Variants in COL19A1 observed in about 807,000 individuals in gnomAD.
COL19A1 encodes collagen alpha-1(XIX) chain.
Under a neutral mutation model 190.2 loss-of-function variants are expected in COL19A1, and 159 were observed. That is an observed-to-expected ratio of 0.84 (90% CI 0.73 to 0.95). The LOEUF is 0.95. Ranked by LOEUF, COL19A1 falls within the 40% of genes least tolerant of loss-of-function variation. The probability of loss-of-function intolerance (pLI) is 0.00; values close to 1 mark genes in which losing one functional copy is unlikely to be tolerated. For synonymous variants in COL19A1, 509 were observed against 458.9 expected, an observed-to-expected ratio of 1.11 and a Z score of -1.39; for missense variants, 1,418 against 1,431.9, an observed-to-expected ratio of 0.99 and a Z score of 0.16.
At chr6:70,154,284 G>T (rs966935312) in intron 31 of COL19A1, among the ~76,000 whole-genome samples, 4 of 152,112 alleles carry the variant, frequency 2.6e-5, no homozygotes, top group Non-Finnish European at 5.9e-5. Flanking sequence ...CAAAGGACAT[G>T]AACTCATCCT....
chr6:70,039,051 C>T (rs1402788165), intron 14 of COL19A1, among the ~76,000 whole-genome samples: 3 of 150,624 alleles, frequency 2.0e-5, no homozygotes, highest in African/African-American at 2.5e-5. Context: ...AGCAAGACTC[C>T]GTCTGAAAAA....
chr6:69,973,748 T>G (rs1775560001), intron 11 of COL19A1: 1 of 152,220 alleles, frequency 6.6e-6, no homozygotes. Context: ...TTAACAAAAA[T>G]CTCTTTTTTG....
chr6:70,130,792 C>T (rs1785473678), intron 18 of COL19A1, among the ~76,000 whole-genome samples: 1 of 152,190 alleles, frequency 6.6e-6, no homozygotes, highest in Admixed American at 6.5e-5. Flanking sequence ...TAAATGAAAT[C>T]AGGACACAAG....
intron 15 of COL19A1, among the ~76,000 whole-genome samples, chr6:70,074,782 T>G (rs1291973648): frequency 6.6e-6 from 1 of 152,216 alleles, no homozygotes; most frequent in East Asian, 1.9e-4. Flanking sequence ...TCTTCTTATC[T>G]TTATGTGTCA....
At chr6:70,063,694 C>G (rs1463886476) in intron 14 of COL19A1, among the ~76,000 whole-genome samples, 3 of 152,114 alleles carry the variant, frequency 2.0e-5, no homozygotes, top group South Asian at 2.1e-4. Context: ...AATCCAGGAG[C>G]TGGTTTTTTG....
intron 14 of COL19A1, among the ~76,000 whole-genome samples, chr6:70,064,671 G>A (rs957418281): frequency 6.6e-6 from 1 of 152,138 alleles, no homozygotes; most frequent in African/African-American, 2.4e-5. Flanking sequence ...AAGTCAAATT[G>A]TCCCTGTTTG....
intron 39 of COL19A1, 40 bp from the exon 40 acceptor site, chr6:70,168,615 G>T (rs1765311681): frequency 6.2e-7 from 1 of 1,606,880 alleles, no homozygotes; most frequent in African/African-American, 1.3e-5. Flanking sequence ...AACTGCTTTG[G>T]TCATTATTTG....
chr6:70,174,567 A>T (rs1387774886), intron 41 of COL19A1, among the ~76,000 whole-genome samples: 1 of 152,158 alleles, frequency 6.6e-6, no homozygotes, highest in Non-Finnish European at 1.5e-5. Context: ...CTCAAAAAAA[A>T]AAAACAAAAA....
Position 70,207,184 on chromosome 6 carries a change from A to AGGGCCCCC in COL19A1, c.3339_3340insGGGCCCCC (p.Gln1114GlyfsTer36). ...CAGGCTCACCAGGTGCCCCAGGCCC[A>AGGGCCCCC]CAGGGCCCCCCAGGACCCAGTGGAA... is the stretch of plus-strand genomic sequence containing the variant. On this transcript the variant is annotated frameshift_variant, in exon 51 of 51. Coordinates refer to ENST00000620364, the MANE Select transcript of COL19A1 (RefSeq NM_001858.6). LOFTEE classifies it high-confidence loss of function. The AGGGCCCCC allele has an allele frequency of 6.2e-7, 1 of 1,613,532 alleles. No homozygotes were observed. Among genetic ancestry groups the AGGGCCCCC allele is most frequent in the Non-Finnish European group, 8.5e-7 (1 of 1,179,864 alleles).
At chr6:70,098,359 C>T in intron 15 of COL19A1, 1 of 487,696 alleles carries the variant, frequency 2.1e-6, no homozygotes, top group Non-Finnish European at 4.1e-6. Flanking sequence ...AAAAACAGAA[C>T]ATTTATTGTG....
chr6:69,895,873 G>A (rs1476812293), intron 2 of COL19A1, among the ~76,000 whole-genome samples: 3 of 152,024 alleles, frequency 2.0e-5, no homozygotes, highest in African/African-American at 7.2e-5. Flanking sequence ...GCTCCTTCTT[G>A]TTGATAAACA....
At chr6:70,144,345 G>A in intron 24 of COL19A1, 82 bp downstream of exon 24, 1 of 1,216,358 alleles carries the variant, frequency 8.2e-7, no homozygotes, top group Non-Finnish European at 1.2e-6. Context: ...TGAAAGGACA[G>A]CCCAGGGCTT....
rs1785435604 is a variant in COL19A1, at chr6:70,130,167, G to GT, written c.1342-10dup. 6.2e-7 allele frequency: 1 copy of GT among 1,610,984 alleles called. No individual in the cohort carries two copies. The highest frequency in any genetic ancestry group is 1.3e-5 in the African/African-American group (1 of 74,672). On this transcript the variant is annotated splice_polypyrimidine_tract_variant and intron_variant, in intron 17 of 50. Transcript: ENST00000620364. The stretch of plus-strand genomic sequence containing the variant: ...GGATTTTTCTTTTGTATTTTAAATT[G>GT]TTTTTCACCCCTAGGGAAATGATGA...
chr6:69,869,845 T>A (rs1158835594), intron 1 of COL19A1, among the ~76,000 whole-genome samples: 2 of 152,220 alleles, frequency 1.3e-5, no homozygotes, highest in Non-Finnish European at 2.9e-5. Context: ...TTTGAGACCC[T>A]CTGGAATGTA....
At chr6:70,065,716 A>G (rs1315233675) in intron 14 of COL19A1, among the ~76,000 whole-genome samples, 1 of 152,222 alleles carries the variant, frequency 6.6e-6, no homozygotes, top group Non-Finnish European at 1.5e-5. Context: ...TTATCTGACA[A>G]AGGGCTAATA....
Position 70,138,782 on chromosome 6 carries a change from T to G in COL19A1, c.1446+1035T>G, listed in dbSNP as rs1292211440. Among the ~76,000 whole-genome samples the G allele has an allele frequency of 3.3e-5, 5 of 152,092 alleles. No individual in the cohort carries two copies. In the East Asian group the frequency reaches 9.6e-4, roughly 29 times the overall value. ...TACCTTCAGGAGTCGTGCTTGCCCT[T>G]AGTATTCAGTTCAAGCCTTCTTACA... is the stretch of plus-strand genomic sequence containing the variant. On this transcript the variant is annotated intron_variant, in intron 19 of 50. Transcript: ENST00000620364.
chr6:69,921,278 A>G (rs1186589657), intron 4 of COL19A1, among the ~76,000 whole-genome samples: 1 of 126,920 alleles, frequency 7.9e-6, no homozygotes, highest in Non-Finnish European at 1.5e-5. Flanking sequence ...CATATATATC[A>G]TATATCATAT....
intron 46 of COL19A1, among the ~76,000 whole-genome samples, 194 bp from the exon 47 acceptor site, chr6:70,187,881 C>G (rs1472650975): frequency 1.3e-5 from 2 of 152,054 alleles, no homozygotes; most frequent in African/African-American, 4.8e-5. Context: ...TCATTTAGTT[C>G]TGAAAATCGC....
chr6:70,135,095 A>C (rs1341632270), intron 18 of COL19A1, among the ~76,000 whole-genome samples: 1 of 152,166 alleles, frequency 6.6e-6, no homozygotes, highest in Non-Finnish European at 1.5e-5. Flanking sequence ...TCACCAGTTT[A>C]TTATAAAGGA....
Sources: gnomAD v4.1 joint callset for allele counts (sites outside exome capture counted in the v4.1 genomes callset) on GRCh38, gnomAD v4.1.1 for gene constraint, MANE v1.5 for transcripts, NCBI Gene and HGNC (gene_info 2026-07-23, HGNC 2026-07-21) for gene names.